Variants in KIF13A observed in about 807,000 individuals in gnomAD.
The protein encoded by KIF13A is kinesin family member 13A.
KIF13A carries 79 observed loss-of-function variants against 212.2 expected under a neutral mutation model. The observed-to-expected ratio is 0.37, with a 90% CI of 0.31 to 0.45. KIF13A has a LOEUF of 0.45. Among genes scored for constraint, KIF13A ranks in the 20% least tolerant of loss-of-function variants. The pLI is 1.00. For missense variants in KIF13A, 1,901 were observed against 2,209.0 expected, an observed-to-expected ratio of 0.86 and a Z score of 2.79; for synonymous variants, 789 against 808.6, an observed-to-expected ratio of 0.98 and a Z score of 0.41.
At position 17,772,185 on chromosome 6, in the gene KIF13A, G is replaced by T; in HGVS notation, c.4325-126C>A. 1.1e-6 allele frequency: 1 copy of T among 908,230 alleles called. No individual in the cohort carries two copies. The highest frequency in any genetic ancestry group is 1.7e-6 in the Non-Finnish European group (1 of 596,596). The allele number at this position is 908,230 out of a possible 1,614,324, so 56.3% of individuals were successfully genotyped here. A position where few individuals can be genotyped will look rare whatever the true frequency, so the allele number is the denominator to read the frequency against. On this transcript the variant is annotated intron_variant, in intron 36 of 38. Coordinates refer to ENST00000259711, the MANE Select transcript of KIF13A (RefSeq NM_022113.6). The surrounding 1 kb of genome is among the most constrained non-coding windows in gnomAD (Gnocchi z 4.8). The stretch of plus-strand genomic sequence containing the variant: ...AATGAAATTCATAGGCTAATATTTG[G>T]CTAAGCATTAAAACAGATGTATGCC...
In KIF13A at chr6:17,808,836, T is replaced by C; in HGVS notation, c.2095A>G (p.Met699Val). 1 of 1,613,942 alleles carries C rather than the reference T, an allele frequency of 6.2e-7. No homozygotes were observed. Among genetic ancestry groups the C allele is most frequent in the Non-Finnish European group, 8.5e-7 (1 of 1,179,878 alleles). Residue 699 changes from methionine to valine, a missense_variant, in exon 18 of 39, where the codon ATG becomes GTG. Met to Val is a conservative substitution (Grantham distance 21, BLOSUM62 1). This residue lies in a region of KIF13A where 534 missense variants were observed against 536.9 expected (regional missense o/e 0.99). Transcript: ENST00000259711. ...ACTTGGTAATCGGTGAGTTTGCTCA[T>C]TTCCTCAGCCAGGAAGTTTGCTTCC... is the stretch of plus-strand genomic sequence containing the variant. Reference protein sequence around the residue: ...VREANFLAEEMSKLTDYQVTL... With the variant: ...VREANFLAEEVSKLTDYQVTL...
chr6:17,779,047 C>T lies in KIF13A; in HGVS notation c.3992G>A (p.Ser1331Asn). 3 of 1,613,714 alleles carry T rather than the reference C, an allele frequency of 1.9e-6. No individual in the cohort carries two copies. The highest frequency in any genetic ancestry group is 1.1e-5 in the South Asian group (1 of 91,056). Residue 1331 changes from serine to asparagine, a missense_variant, in exon 33 of 39, where the codon AGT becomes AAT. Transcript: ENST00000259711. ...CCCATCTGATGTGCCTTCGTTTTCA[C>T]TCCTTGCTGCCAGGAGAGCCAGCGT... Reference protein sequence around the residue: ...RETLALLAARSENEGTSDGET... With the variant: ...RETLALLAARNENEGTSDGET...
At chr6:17,814,611 A>T (rs6940805) in intron 17 of KIF13A, among the ~76,000 whole-genome samples, 1 of 152,134 alleles carries the variant, frequency 6.6e-6, no homozygotes, top group Admixed American at 6.5e-5. Flanking sequence ...ACTGCAGAGA[A>T]AACTGGGTTC....
At position 17,783,149 on chromosome 6, in the gene KIF13A, C is replaced by T. The variant is rs1760756297; in HGVS notation, c.3544+497G>A. The stretch of plus-strand genomic sequence containing the variant: ...GCCGTTGTTTTCTACACATGGGGTT[C>T]CAGTTAATATTTCGTTTAGAAAAGG... On this transcript the variant is annotated intron_variant, in intron 29 of 38. Transcript: ENST00000259711. This position sits in a 1 kb window ranked among gnomAD's most constrained non-coding sequence, Gnocchi z 4.3. Among the ~76,000 whole-genome samples the T allele has an allele frequency of 6.6e-6, 1 of 152,158 alleles. No individual in the cohort carries two copies. Among genetic ancestry groups the T allele is most frequent in the South Asian group, 2.1e-4 (1 of 4,826 alleles).
chr6:17,978,878 C>A (rs188895067), intron 2 of KIF13A, among the ~76,000 whole-genome samples: 90 of 152,218 alleles, frequency 5.9e-4, no homozygotes, highest in African/African-American at 2.0e-3. Context: ...GATAAACTAG[C>A]TATTTTGGTA....
In KIF13A at chr6:17,773,518, A is replaced by G. The variant is rs1231536025; in HGVS notation, c.4284T>C (p.Tyr1428=). Residue 1428 remains tyrosine, a synonymous_variant, in exon 36 of 39, where the codon TAT becomes TAC. Coordinates refer to ENST00000259711, the MANE Select transcript of KIF13A (RefSeq NM_022113.6). The surrounding 1 kb of genome is among the most constrained non-coding windows in gnomAD (Gnocchi z 4.2). ...GAGGAGAATCCCTGGGTAAAGTTCC[A>G]TAACATGCTACATCTTGGTAACTGG... ...YSSSYQDVAC[Y]GTLPRDSPRR... The G allele has an allele frequency of 8.1e-6, 13 of 1,611,778 alleles. No individual in the cohort carries two copies. In the East Asian group the frequency reaches 2.7e-4, roughly 33 times the overall value.
chr6:17,785,440 G>A lies in KIF13A; in HGVS notation c.3488+75C>T. 1 of 1,410,594 alleles carries A rather than the reference G, an allele frequency of 7.1e-7. No individual in the cohort carries two copies. The highest frequency in any genetic ancestry group is 2.8e-5 in the East Asian group (1 of 36,296). 87.4% of individuals were successfully genotyped at this position (1,410,594 alleles called of 1,614,324 possible). On this transcript the variant is annotated intron_variant, in intron 28 of 38. Transcript: ENST00000259711. The surrounding 1 kb of genome is among the most constrained non-coding windows in gnomAD (Gnocchi z 5.8). Reference sequence around the variant, plus strand: ...GCATTTTCTGTGACAATCCTGGAAAGTCTCTTGCATGGCTCTTGCCACAGG... The same window carrying A: ...GCATTTTCTGTGACAATCCTGGAAAATCTCTTGCATGGCTCTTGCCACAGG...
At chr6:17,932,385 A>G (rs1264642252) in intron 2 of KIF13A, among the ~76,000 whole-genome samples, 5 of 152,266 alleles carry the variant, frequency 3.3e-5, no homozygotes, top group African/African-American at 4.8e-5. Context: ...GCCAGACTAA[A>G]GCATTGCTGG....
At chr6:17,952,098 T>TG (rs1484589014) in intron 2 of KIF13A, among the ~76,000 whole-genome samples, 2 of 151,804 alleles carry the variant, frequency 1.3e-5, no homozygotes. Context: ...GGTCAGGAGA[T>TG]GGAGACCATG....
intron 2 of KIF13A, among the ~76,000 whole-genome samples, chr6:17,973,821 C>A (rs1780034118): frequency 6.6e-6 from 1 of 152,124 alleles, no homozygotes; most frequent in African/African-American, 2.4e-5. Context: ...TGGATGTGGT[C>A]CCCATGGCTT....
chr6:17,793,702 C>A (rs1332972365), intron 25 of KIF13A, among the ~76,000 whole-genome samples: 1 of 150,372 alleles, frequency 6.7e-6, no homozygotes, highest in Non-Finnish European at 1.5e-5. Context: ...CACTTGAGTC[C>A]AGGAATTTGA....
chr6:17,814,145 G>C (rs1353927363), intron 17 of KIF13A, among the ~76,000 whole-genome samples: 1 of 151,488 alleles, frequency 6.6e-6, no homozygotes, highest in Non-Finnish European at 1.5e-5. Context: ...TAGAGATGGG[G>C]TTTCACCTTG....
chr6:17,986,720 G>A (rs1172706039), intron 2 of KIF13A, among the ~76,000 whole-genome samples: 1 of 152,206 alleles, frequency 6.6e-6, no homozygotes, highest in Non-Finnish European at 1.5e-5. Flanking sequence ...CCCGCCTCGG[G>A]CCTCAGTTTT....
intron 2 of KIF13A, among the ~76,000 whole-genome samples, chr6:17,933,154 G>T (rs989102360): frequency 7.2e-5 from 11 of 152,122 alleles, no homozygotes; most frequent in African/African-American, 2.7e-4. Context: ...TGGAGAACAT[G>T]AATTTAAGAG....
intron 2 of KIF13A, among the ~76,000 whole-genome samples, chr6:17,943,465 C>G (rs1360096915): frequency 7.0e-6 from 1 of 143,432 alleles, no homozygotes; most frequent in East Asian, 2.1e-4. Flanking sequence ...CCAGCCTGGT[C>G]TCGAACTCCT....
Position 17,783,269 on chromosome 6 carries a change from T to C in KIF13A, c.3544+377A>G, listed in dbSNP as rs766977402. ...AAGGACAACCCCTAAGGCAGGGTTA[T>C]AGTGTGATCACTTCTGCCATCAAAA... On this transcript the variant is annotated intron_variant, in intron 29 of 38. Coordinates refer to ENST00000259711, the MANE Select transcript of KIF13A (RefSeq NM_022113.6). The surrounding 1 kb of genome is among the most constrained non-coding windows in gnomAD (Gnocchi z 4.3). Among the ~76,000 whole-genome samples, 2 of 152,242 alleles carry C rather than the reference T, an allele frequency of 1.3e-5. No homozygotes were observed. The highest frequency in any genetic ancestry group is 4.8e-5 in the African/African-American group (2 of 41,472).
At position 17,849,290 on chromosome 6, in the gene KIF13A, G is replaced by A; in HGVS notation, c.830+87C>T. On this transcript the variant is annotated intron_variant, in intron 9 of 38. Coordinates refer to ENST00000259711, the MANE Select transcript of KIF13A (RefSeq NM_022113.6). The surrounding 1 kb of genome is among the most constrained non-coding windows in gnomAD (Gnocchi z 5.7). ...AAGCTATACAGACTTTAAACAACCT[G>A]TACATCAGAACCATCTGACCCTCAT... The A allele has an allele frequency of 1.2e-6, 1 of 868,440 alleles. No individual in the cohort carries two copies. The highest frequency in any genetic ancestry group is 1.8e-6 in the Non-Finnish European group (1 of 548,792). The allele number at this position is 868,440 out of a possible 1,614,324, so 53.8% of individuals were successfully genotyped here. A position where few individuals can be genotyped will look rare whatever the true frequency, so the allele number is the denominator to read the frequency against.
chr6:17,906,670 G>A (rs1379251727), intron 2 of KIF13A, among the ~76,000 whole-genome samples: 4 of 151,970 alleles, frequency 2.6e-5, no homozygotes, highest in Admixed American at 1.3e-4. Context: ...GGCTGGTCTC[G>A]AACTTCTGGG....
At chr6:17,808,160 C>T (rs938904021) in intron 18 of KIF13A, among the ~76,000 whole-genome samples, 1 of 152,132 alleles carries the variant, frequency 6.6e-6, no homozygotes, top group Non-Finnish European at 1.5e-5. Context: ...ACTGAGCGTG[C>T]AGAACATCTG....
Sources: allele counts gnomAD v4.1 joint callset (sites outside exome capture counted in the v4.1 genomes callset), GRCh38; gene constraint gnomAD v4.1.1; regional missense constraint gnomAD v4.1.1; non-coding constraint Gnocchi (gnomAD v3.1); transcripts MANE v1.5; gene names NCBI Gene and HGNC (gene_info 2026-07-23, HGNC 2026-07-21).